FMN1: variants seen among roughly 807,000 people sequenced by gnomAD.
FMN1 encodes formin-1.
In FMN1, 110 loss-of-function variants were observed where a neutral mutation model predicts 132.4. That is an observed-to-expected ratio of 0.83 (90% CI 0.71 to 0.97). The LOEUF (loss-of-function observed/expected upper bound fraction) is 0.97. Ranked by LOEUF, FMN1 falls within the 50% of genes least tolerant of loss-of-function variation. The pLI is 0.00. For synonymous variants in FMN1, 722 were observed against 651.7 expected, an observed-to-expected ratio of 1.11 and a Z score of -1.64; for missense variants, 1,792 against 1,705.3, an observed-to-expected ratio of 1.05 and a Z score of -0.90.
At chr15:32,982,006 G>A (rs1456869881) in intron 7 of FMN1, among the ~76,000 whole-genome samples, 1 of 152,000 alleles carries the variant, frequency 6.6e-6, no homozygotes, top group African/African-American at 2.4e-5. Context: ...TGTTTCCAGA[G>A]CATAGAGAGA....
intron 7 of FMN1, among the ~76,000 whole-genome samples, chr15:32,986,135 C>A (rs926229460): frequency 3.3e-5 from 5 of 152,046 alleles, no homozygotes; most frequent in African/African-American, 1.2e-4. Flanking sequence ...TTCCTGTATA[C>A]AGGCAATTAA....
intron 3 of FMN1, among the ~76,000 whole-genome samples, chr15:33,173,178 C>T (rs950478873): frequency 3.3e-5 from 5 of 151,968 alleles, no homozygotes; most frequent in African/African-American, 1.2e-4. Context: ...TATTACACAA[C>T]TAGATAGGCA....
rs370494984 is a variant in FMN1, at chr15:33,150,436, T to C, written c.1867+2612A>G. Reference sequence around the variant, plus strand: ...CTGACTACCAGTTCTTGTTAGTATATTCTCTATTTTATCACCACTATGTGG... The same window carrying C: ...CTGACTACCAGTTCTTGTTAGTATACTCTCTATTTTATCACCACTATGTGG... On this transcript the variant is annotated intron_variant, in intron 4 of 20. Transcript: ENST00000616417. The C allele has an allele frequency of 2.5e-5, 25 of 985,322 alleles. No individual in the cohort carries two copies. In the South Asian group the frequency reaches 1.1e-3, roughly 43 times the overall value. The allele number at this position is 985,322 out of a possible 1,614,324, so 61.0% of individuals were successfully genotyped here.
At position 32,773,932 on chromosome 15, in the gene FMN1, G is replaced by T. The variant is rs1403483018; in HGVS notation, c.*378C>A. 4.2e-6 allele frequency: 1 copy of T among 238,458 alleles called. No homozygotes were observed. Among genetic ancestry groups the T allele is most frequent in the Non-Finnish European group, 8.0e-6 (1 of 125,700 alleles). 14.8% of individuals were successfully genotyped at this position (238,458 alleles called of 1,614,324 possible). On this transcript the variant is annotated 3_prime_UTR_variant, in exon 21 of 21. Transcript: ENST00000616417. The stretch of plus-strand genomic sequence containing the variant: ...CTCTCCCAAGGCAACTGTCCTCAAT[G>T]ATCTTTTCTCTCTTCTGTGACAATG...
At chr15:32,775,414 T>C (rs1226876754) in intron 20 of FMN1, among the ~76,000 whole-genome samples, 2 of 152,046 alleles carry the variant, frequency 1.3e-5, no homozygotes, top group African/African-American at 4.8e-5. Flanking sequence ...TTCCCTTTTG[T>C]CTATATGGCT....
At chr15:32,806,028 T>C (rs1485325010) in intron 17 of FMN1, among the ~76,000 whole-genome samples, 1 of 152,194 alleles carries the variant, frequency 6.6e-6, no homozygotes, top group African/African-American at 2.4e-5. Flanking sequence ...TATTATTATA[T>C]ATGAAAATAC....
intron 4 of FMN1, among the ~76,000 whole-genome samples, chr15:33,096,621 A>G (rs2039094913): frequency 6.6e-6 from 1 of 150,732 alleles, no homozygotes; most frequent in Admixed American, 6.6e-5. Flanking sequence ...TTTTTCTTAG[A>G]CAGGGTCTCA....
chr15:33,012,897 T>A (rs2034811532), intron 6 of FMN1: 2 of 567,394 alleles, frequency 3.5e-6, no homozygotes, highest in East Asian at 4.4e-5. Context: ...GAAGCTACAA[T>A]GATTTTGGCA....
intron 20 of FMN1, among the ~76,000 whole-genome samples, chr15:32,776,564 T>G (rs192420623): frequency 6.6e-6 from 1 of 152,274 alleles, no homozygotes; most frequent in Admixed American, 6.5e-5. Context: ...GTGACTGTAC[T>G]GCGGGTAGGG....
At chr15:33,069,392 G>A (rs1189808507) in intron 5 of FMN1, among the ~76,000 whole-genome samples, 1 of 152,186 alleles carries the variant, frequency 6.6e-6, no homozygotes, top group East Asian at 1.9e-4. Context: ...TGGTTGGAGA[G>A]GCAAGTCAAA....
intron 6 of FMN1, among the ~76,000 whole-genome samples, chr15:33,046,194 T>C (rs2036675403): frequency 6.6e-6 from 1 of 152,150 alleles, no homozygotes; most frequent in South Asian, 2.1e-4. Flanking sequence ...AAAAGAAAAT[T>C]GGGATCCTTA....
chr15:33,151,840 TG>T (rs1407810486), intron 4 of FMN1, among the ~76,000 whole-genome samples: 12 of 152,168 alleles, frequency 7.9e-5, no homozygotes, highest in African/African-American at 2.9e-4. Context: ...TGAAGCATAT[TG>T]GTTATGAAAG....
chr15:33,138,363 TCA>T (rs947147173), intron 4 of FMN1, among the ~76,000 whole-genome samples: 3 of 152,104 alleles, frequency 2.0e-5, no homozygotes, highest in African/African-American at 4.8e-5. Context: ...CTAGCTTCAT[TCA>T]GTTTCATTTT....
intron 4 of FMN1, among the ~76,000 whole-genome samples, chr15:33,105,408 G>A (rs183506066): frequency 6.6e-6 from 1 of 152,182 alleles, no homozygotes; most frequent in African/African-American, 2.4e-5. Flanking sequence ...GGGTATCAGA[G>A]GAATCTAGAG....
At chr15:33,071,453 A>T (rs1318671997) in intron 5 of FMN1, among the ~76,000 whole-genome samples, 1 of 152,184 alleles carries the variant, frequency 6.6e-6, no homozygotes, top group Non-Finnish European at 1.5e-5. Context: ...ATGAGCACCA[A>T]CAATGAATGA....
intron 4 of FMN1, among the ~76,000 whole-genome samples, chr15:33,105,107 A>G (rs1237727760): frequency 6.6e-6 from 1 of 152,040 alleles, no homozygotes; most frequent in Non-Finnish European, 1.5e-5. Flanking sequence ...CAAAGAGGGA[A>G]TGAGCAACCA....
intron 9 of FMN1, among the ~76,000 whole-genome samples, chr15:32,951,402 C>T (rs1305573061): frequency 6.7e-6 from 1 of 149,632 alleles, no homozygotes; most frequent in Non-Finnish European, 1.5e-5. Context: ...TTTGCTTTAA[C>T]TGCATAGCTG....
At chr15:33,160,200 T>TA (rs1964833260) in intron 3 of FMN1, among the ~76,000 whole-genome samples, 1 of 151,928 alleles carries the variant, frequency 6.6e-6, no homozygotes, top group Admixed American at 6.6e-5. Flanking sequence ...AATGAAGAGA[T>TA]AAGACAACTT....
At chr15:32,921,746 G>T (rs913602142) in intron 10 of FMN1, among the ~76,000 whole-genome samples, 1 of 147,930 alleles carries the variant, frequency 6.8e-6, no homozygotes, top group Non-Finnish European at 1.5e-5. Context: ...GCGTGATCTC[G>T]GCAACCTCCA....
Sources: gnomAD v4.1 joint callset for allele counts (sites outside exome capture counted in the v4.1 genomes callset) on GRCh38, gnomAD v4.1.1 for gene constraint, MANE v1.5 for transcripts, NCBI Gene and HGNC (gene_info 2026-07-23, HGNC 2026-07-21) for gene names.